STOX1: variants seen among roughly 807,000 people sequenced by gnomAD.
The protein encoded by STOX1 is storkhead box 1.
In STOX1, 57 loss-of-function variants were observed where a neutral mutation model predicts 74.8. The observed-to-expected ratio is 0.76, with a 90% CI of 0.62 to 0.95. The LOEUF (loss-of-function observed/expected upper bound fraction) is 0.95. Among genes scored for constraint, STOX1 ranks in the 40% least tolerant of loss-of-function variants. STOX1 has a pLI of 0.00. For synonymous variants in STOX1, 375 were observed against 401.3 expected (o/e 0.93, Z 0.78); for missense variants, 1,010 against 1,117.0 (o/e 0.90, Z 1.37).
At chr10:68,851,175 C>T (rs941638125) in intron 1 of STOX1, among the ~76,000 whole-genome samples, 1 of 151,120 alleles carries the variant, frequency 6.6e-6, no homozygotes, top group Non-Finnish European at 1.5e-5. Context: ...GTGTTGTGTA[C>T]ACCTTTGGTC....
chr10:68,847,881 A>G (rs1839892699), intron 1 of STOX1, among the ~76,000 whole-genome samples: 1 of 151,986 alleles, frequency 6.6e-6, no homozygotes, highest in Non-Finnish European at 1.5e-5. Flanking sequence ...ACAGGCATGC[A>G]CCACCAAGCC....
chr10:68,858,123 C>G (rs539939102), intron 1 of STOX1, among the ~76,000 whole-genome samples: 44 of 152,166 alleles, frequency 2.9e-4, no homozygotes, highest in African/African-American at 1.0e-3. Flanking sequence ...AGCCAGATAG[C>G]CTGTGCAGAT....
intron 1 of STOX1, among the ~76,000 whole-genome samples, chr10:68,862,179 C>T (rs999974756): frequency 8.6e-5 from 13 of 151,986 alleles, no homozygotes; most frequent in African/African-American, 2.9e-4. Flanking sequence ...TGATCAGTCC[C>T]ATAATAATTA....
intron 1 of STOX1, among the ~76,000 whole-genome samples, chr10:68,868,072 G>T (rs548674715): frequency 6.6e-6 from 1 of 152,202 alleles, no homozygotes; most frequent in African/African-American, 2.4e-5. Context: ...TTCTCCAACC[G>T]TCGCTCTGGC....
At chr10:68,881,874 A>T in intron 1 of STOX1, 84 bp from the exon 2 acceptor site, 1 of 1,513,424 alleles carries the variant, frequency 6.6e-7, no homozygotes, top group Non-Finnish European at 9.2e-7. Flanking sequence ...ATTAGTCTTT[A>T]TTTTTGTTTC....
Position 68,836,461 on chromosome 10 carries a change from C to T in STOX1, c.310+8528C>T, listed in dbSNP as rs892642784. Among the ~76,000 whole-genome samples the T allele has an allele frequency of 4.6e-5, 7 of 152,220 alleles. No individual in the cohort carries two copies. In the East Asian group the frequency reaches 5.8e-4, roughly 13 times the overall value. ...CTGTTAAGACTTGTGCTAATCATTG[C>T]TTGCCTGACATATACTTATGTTCAA... is the stretch of plus-strand genomic sequence containing the variant. On this transcript the variant is annotated intron_variant, in intron 1 of 3. Transcript: ENST00000298596.
chr10:68,858,094 T>C (rs1344415862), intron 1 of STOX1, among the ~76,000 whole-genome samples: 2 of 152,104 alleles, frequency 1.3e-5, no homozygotes, highest in Admixed American at 6.5e-5. Context: ...GTTGTGTCAG[T>C]GTGCAAAGTC....
chr10:68,890,789 T>TA (rs1564591365), intron 3 of STOX1, among the ~76,000 whole-genome samples: 1 of 151,904 alleles, frequency 6.6e-6, no homozygotes, highest in Non-Finnish European at 1.5e-5. Context: ...TAGCTGGGAT[T>TA]ACAGGCACAC....
chr10:68,873,848 A>C lies in STOX1; in HGVS notation c.311-8110A>C, dbSNP rs371811953. Among the ~76,000 whole-genome samples, 4 of 147,710 alleles carry C rather than the reference A, an allele frequency of 2.7e-5. No homozygotes were observed. In the East Asian group the frequency reaches 8.1e-4, roughly 30 times the overall value. On this transcript the variant is annotated intron_variant, in intron 1 of 3. Coordinates refer to ENST00000298596, the MANE Select transcript of STOX1 (RefSeq NM_152709.5). ...GTATTTTTAGTAGAGACTGGGTTTC[A>C]CCATGTTGGTCAGGCTGGTCTCGAA...
chr10:68,840,550 T>TTTTATTTATTTA (rs59043042), intron 1 of STOX1, among the ~76,000 whole-genome samples: 5,111 of 151,282 alleles, frequency 0.034, 265 homozygotes, highest in African/African-American at 0.12. Flanking sequence ...GGTTATTTTG[T>TTTTATTTATTTA]TTTATTTATT....
chr10:68,844,341 C>T (rs1402463774), intron 1 of STOX1, among the ~76,000 whole-genome samples: 4 of 149,402 alleles, frequency 2.7e-5, no homozygotes, highest in South Asian at 2.1e-4. Flanking sequence ...CCTTGTCACC[C>T]ACACTGGAGT....
chr10:68,864,404 T>A (rs1337555721), intron 1 of STOX1, among the ~76,000 whole-genome samples: 1 of 152,216 alleles, frequency 6.6e-6, no homozygotes, highest in African/African-American at 2.4e-5. Flanking sequence ...AGTTTTGTGT[T>A]AGGAAAATGG....
intron 1 of STOX1, among the ~76,000 whole-genome samples, chr10:68,848,361 G>A (rs1313512156): frequency 6.6e-6 from 1 of 152,156 alleles, no homozygotes; most frequent in African/African-American, 2.4e-5. Flanking sequence ...TGCCACCTAA[G>A]CCCAGTGGCC....
chr10:68,884,292 A>G lies in STOX1; in HGVS notation c.496A>G (p.Thr166Ala). 6.2e-7 allele frequency: 1 copy of G among 1,614,172 alleles called. No homozygotes were observed. Among genetic ancestry groups the G allele is most frequent in the East Asian group, 2.2e-5 (1 of 44,892 alleles). Residue 166 changes from threonine (T) to alanine (A), a missense_variant, in exon 3 of 4, where the codon ACC (threonine) becomes GCC (alanine). Physicochemically the swap from Thr to Ala is moderately conservative, Grantham distance 58. Coordinates refer to ENST00000298596, the MANE Select transcript of STOX1 (RefSeq NM_152709.5). ...IAIPSEDILYTTLGTLIKERK... is the reference protein window; with the variant it reads ...IAIPSEDILYATLGTLIKERK... ...AATTCCATCGGAAGATATTCTTTATACCACTCTGGGAACGCTGATTAAAGA... is the reference window on the plus strand; with the variant it reads ...AATTCCATCGGAAGATATTCTTTATGCCACTCTGGGAACGCTGATTAAAGA...
chr10:68,837,505 G>A (rs1016360191), intron 1 of STOX1, among the ~76,000 whole-genome samples: 13 of 152,222 alleles, frequency 8.5e-5, no homozygotes, highest in Admixed American at 6.5e-5. Context: ...TAAAGTGCAT[G>A]TATGTGATTA....
At chr10:68,830,071 CTGCCACTAA>C (rs1839366146) in intron 1 of STOX1, among the ~76,000 whole-genome samples, 1 of 152,150 alleles carries the variant, frequency 6.6e-6, no homozygotes, top group African/African-American at 2.4e-5. Context: ...AAGTCACGGG[CTGCCACTAA>C]TGCCCCAGTG....
At chr10:68,839,874 CAAACAAAACA>C (rs759884305) in intron 1 of STOX1, among the ~76,000 whole-genome samples, 13 of 151,940 alleles carry the variant, frequency 8.6e-5, no homozygotes, top group East Asian at 7.8e-4. Context: ...GACTCCGTTT[CAAACAAAACA>C]AAACAAAACA....
chr10:68,855,972 G>A (rs1840116516), intron 1 of STOX1, among the ~76,000 whole-genome samples: 1 of 152,096 alleles, frequency 6.6e-6, no homozygotes, highest in Non-Finnish European at 1.5e-5. Flanking sequence ...CCGTATGTGA[G>A]CTGGGACCAT....
intron 1 of STOX1, among the ~76,000 whole-genome samples, chr10:68,873,161 C>T (rs1470139262): frequency 6.6e-6 from 1 of 152,120 alleles, no homozygotes; most frequent in Non-Finnish European, 1.5e-5. Context: ...AGGCATCAGC[C>T]ACTGTGCCCA....
Sources: gnomAD v4.1 joint callset for allele counts (sites outside exome capture counted in the v4.1 genomes callset) on GRCh38, gnomAD v4.1.1 for gene constraint, MANE v1.5 for transcripts, NCBI Gene and HGNC (gene_info 2026-07-23, HGNC 2026-07-21) for gene names.